The following PHF24 variants were observed in gnomAD, a reference collection of about 807,000 sequenced individuals.
PHF24 encodes Galpha inhibitory interacting protein.
A neutral mutation model predicts 42.6 loss-of-function variants in PHF24; 25 were observed. The ratio of observed to expected loss-of-function variants is 0.59; its 90% CI spans 0.43 to 0.82. The LOEUF is 0.82. PHF24 is among the 40% of genes least tolerant of loss of function. The pLI is 0.00. For missense variants in PHF24, 470 were observed against 538.1 expected (o/e 0.87, Z 1.25); for synonymous variants, 185 against 204.8 (o/e 0.90, Z 0.83).
the PHF24 span, among the ~76,000 whole-genome samples, chr9:34,698,343 A>G: frequency 2.6e-5 from 4 of 152,322 alleles, no homozygotes; most frequent in Non-Finnish European, 4.4e-5. Flanking sequence ...ACAAGCTGAA[A>G]AATAGTCATC....
At chr9:34,945,653 T>C in the PHF24 span, among the ~76,000 whole-genome samples, 208 of 152,250 alleles carry the variant, frequency 1.4e-3, no homozygotes, top group South Asian at 0.017. Context: ...CTTGATAAAA[T>C]GATGTTTGGT....
At chr9:34,979,523 G>A (rs553805604) in exon 8 of PHF24, 1 of 152,410 alleles carries the variant, frequency 6.6e-6, no homozygotes, top group African/African-American at 2.4e-5. Context: ...CTAGGCTTCT[G>A]TTTCCAACTT....
the PHF24 span, among the ~76,000 whole-genome samples, chr9:34,810,073 C>T: frequency 1.3e-5 from 2 of 151,878 alleles, no homozygotes; most frequent in African/African-American, 4.8e-5. Context: ...GCATGCTGTC[C>T]GCCCTCAGCC....
chr9:34,822,169 T>C, the PHF24 span, among the ~76,000 whole-genome samples: 2 of 152,210 alleles, frequency 1.3e-5, no homozygotes, highest in Non-Finnish European at 2.9e-5. Flanking sequence ...CCATTATCTT[T>C]TAGAGTGACT....
chr9:34,726,935 G>A, the PHF24 span: 1 of 1,551,596 alleles, frequency 6.4e-7, no homozygotes, highest in South Asian at 1.2e-5. Context: ...TTGGCAGCAG[G>A]GATCTGCACA....
the PHF24 span, among the ~76,000 whole-genome samples, chr9:34,932,110 G>A: frequency 6.6e-6 from 1 of 152,118 alleles, no homozygotes. Flanking sequence ...CTTCTCTCTG[G>A]TCTTCAGCCA....
At chr9:34,709,908 G>A in the PHF24 span, 3 of 1,614,184 alleles carry the variant, frequency 1.9e-6, no homozygotes, top group Non-Finnish European at 2.5e-6. Flanking sequence ...CTGCAGGGTG[G>A]GATTCACAGG....
chr9:34,800,929 G>A, the PHF24 span, among the ~76,000 whole-genome samples: 1 of 151,826 alleles, frequency 6.6e-6, no homozygotes, highest in Admixed American at 6.6e-5. Context: ...TCTGACAAAG[G>A]TCTAATATCT....
At chr9:34,722,883 C>T in the PHF24 span, among the ~76,000 whole-genome samples, 2 of 152,232 alleles carry the variant, frequency 1.3e-5, no homozygotes, top group South Asian at 4.1e-4. Context: ...TCAAGCATGA[C>T]CTTTAACTTC....
the PHF24 span, among the ~76,000 whole-genome samples, chr9:34,825,543 T>A: frequency 6.6e-6 from 1 of 151,714 alleles, no homozygotes; most frequent in African/African-American, 2.4e-5. Context: ...GTGTGCAAAC[T>A]TGTCAACTTG....
At chr9:34,972,209 A>G in intron 2 of PHF24, 137 bp from the exon 3 acceptor site, 3 of 717,708 alleles carry the variant, frequency 4.2e-6, no homozygotes, top group Non-Finnish European at 6.7e-6. Flanking sequence ...AACCTCAACA[A>G]TGGCTTCAGT....
At chr9:34,936,806 T>G in the PHF24 span, among the ~76,000 whole-genome samples, 1 of 146,106 alleles carries the variant, frequency 6.8e-6, no homozygotes, top group African/African-American at 2.6e-5. Context: ...CCGCCCCGTC[T>G]GAGAAGTGAG....
At chr9:34,743,856 G>A in the PHF24 span, among the ~76,000 whole-genome samples, 1 of 152,116 alleles carries the variant, frequency 6.6e-6, no homozygotes, top group Non-Finnish European at 1.5e-5. Context: ...AGTTCTAGAG[G>A]CTGGGAAGCC....
At chr9:34,890,671 A>G in the PHF24 span, among the ~76,000 whole-genome samples, 1 of 152,192 alleles carries the variant, frequency 6.6e-6, no homozygotes, top group African/African-American at 2.4e-5. Context: ...TTAGACTCCT[A>G]AAGGATCCCT....
chr9:34,728,673 T>C, the PHF24 span: 1 of 1,551,170 alleles, frequency 6.4e-7, no homozygotes, highest in Non-Finnish European at 8.7e-7. Context: ...ACAAAAACAT[T>C]AGAATGTGAA....
At chr9:34,882,259 C>T in the PHF24 span, among the ~76,000 whole-genome samples, 1 of 152,160 alleles carries the variant, frequency 6.6e-6, no homozygotes, top group African/African-American at 2.4e-5. Flanking sequence ...CAATATCGTA[C>T]TGAATGGGCA....
the PHF24 span, among the ~76,000 whole-genome samples, chr9:34,747,822 C>T: frequency 2.9e-4 from 44 of 152,168 alleles, no homozygotes; most frequent in East Asian, 5.8e-4. Flanking sequence ...GAAACACACA[C>T]GTGTTCACCA....
the PHF24 span, among the ~76,000 whole-genome samples, chr9:34,918,845 C>T: frequency 6.6e-6 from 1 of 152,172 alleles, no homozygotes; most frequent in African/African-American, 2.4e-5. Flanking sequence ...TCAGCATGAA[C>T]AGTCCTTATG....
At chr9:34,680,990 G>C in the PHF24 span, 1 of 152,310 alleles carries the variant, frequency 6.6e-6, no homozygotes, top group South Asian at 2.1e-4. Context: ...GTTAGGTATG[G>C]CTGTGTGACC....
Sources: allele counts gnomAD v4.1 joint callset (sites outside exome capture counted in the v4.1 genomes callset), GRCh38; gene constraint gnomAD v4.1.1; transcripts MANE v1.5; gene names NCBI Gene and HGNC (gene_info 2026-07-23, HGNC 2026-07-21).